Variants in CENPP observed in about 807,000 individuals in gnomAD.
CENPP encodes centromere protein P.
Under a neutral mutation model 35.6 loss-of-function variants are expected in CENPP, and 24 were observed. That is an observed-to-expected ratio of 0.67 (90% CI 0.49 to 0.95). The LOEUF (loss-of-function observed/expected upper bound fraction) is 0.95, where lower values mean the gene tolerates loss of function less well. Ranked by LOEUF, CENPP falls within the 40% of genes least tolerant of loss-of-function variation. CENPP has a pLI of 0.00. For missense variants in CENPP, 332 were observed against 345.3 expected (o/e 0.96, Z 0.31); for synonymous variants, 120 against 125.5 (o/e 0.96, Z 0.29).
intron 5 of CENPP, among the ~76,000 whole-genome samples, chr9:92,390,263 G>C (rs1564292945): frequency 6.6e-6 from 1 of 152,106 alleles, no homozygotes. Context: ...TCTGACTGGA[G>C]TCCTAGAATC....
intron 5 of CENPP, among the ~76,000 whole-genome samples, chr9:92,526,125 C>T (rs1377124488): frequency 3.3e-5 from 5 of 152,018 alleles, no homozygotes; most frequent in African/African-American, 1.2e-4. Context: ...TGTTATTACC[C>T]ATGAAGACCT....
At chr9:92,327,726 CA>C (rs1415738741) in intron 1 of CENPP, among the ~76,000 whole-genome samples, 3 of 152,150 alleles carry the variant, frequency 2.0e-5, no homozygotes, top group South Asian at 2.1e-4. Context: ...GCCTGTGGAA[CA>C]GGGGAATCAG....
rs188422198 is a variant in CENPP, at chr9:92,366,133, C to T, written c.468-13630C>T. Among the ~76,000 whole-genome samples, 210 of 140,542 alleles carry T rather than the reference C, an allele frequency of 1.5e-3. No individual in the cohort carries two copies. In the East Asian group the frequency reaches 0.022, roughly 15 times the overall value. 92.2% of individuals were successfully genotyped at this position (140,542 alleles called of 152,430 possible). On this transcript the variant is annotated intron_variant, in intron 4 of 7. Coordinates refer to ENST00000375587, the MANE Select transcript of CENPP (RefSeq NM_001012267.3). The stretch of plus-strand genomic sequence containing the variant: ...AGGCGGAGCTGGCAGTGAGCCAAGA[C>T]GGCGCCACTGCACTCCAGCCTGGGT...
intron 5 of CENPP, among the ~76,000 whole-genome samples, chr9:92,589,315 C>T (rs1399815629): frequency 6.6e-6 from 1 of 151,206 alleles, no homozygotes; most frequent in East Asian, 1.9e-4. Context: ...CACTGCACTC[C>T]AGCCTGGGAG....
At chr9:92,546,602 C>T (rs1457571207) in intron 5 of CENPP, among the ~76,000 whole-genome samples, 5 of 152,122 alleles carry the variant, frequency 3.3e-5, no homozygotes, top group Non-Finnish European at 7.3e-5. Flanking sequence ...AAGGAAAAAA[C>T]TCCGAACACA....
At chr9:92,522,621 G>T in intron 5 of CENPP, 2 of 1,613,646 alleles carry the variant, frequency 1.2e-6, no homozygotes, top group East Asian at 4.5e-5. Flanking sequence ...AACTTGAAAA[G>T]GATTCAAACT....
chr9:92,375,177 T>C (rs1842095894), intron 4 of CENPP, among the ~76,000 whole-genome samples: 1 of 152,218 alleles, frequency 6.6e-6, no homozygotes. Flanking sequence ...ATTATGTATA[T>C]GTTAGTACTT....
chr9:92,526,785 CTT>C (rs1333586735), intron 5 of CENPP, among the ~76,000 whole-genome samples: 2 of 151,834 alleles, frequency 1.3e-5, no homozygotes, highest in Admixed American at 6.6e-5. Context: ...AATAAAAAAA[CTT>C]TTTTATAAAT....
intron 5 of CENPP, among the ~76,000 whole-genome samples, chr9:92,602,343 G>A (rs1472059363): frequency 3.3e-5 from 5 of 152,194 alleles, no homozygotes; most frequent in African/African-American, 4.8e-5. Flanking sequence ...CCTCACTGTC[G>A]TTGGTGTTGC....
At chr9:92,459,898 T>C in intron 5 of CENPP, 1 of 725,166 alleles carries the variant, frequency 1.4e-6, no homozygotes, top group South Asian at 3.0e-5. Context: ...AGATATTTCA[T>C]TACTTTATTT....
At chr9:92,477,268 G>C (rs1336835538) in intron 5 of CENPP, among the ~76,000 whole-genome samples, 1 of 152,128 alleles carries the variant, frequency 6.6e-6, no homozygotes, top group African/African-American at 2.4e-5. Flanking sequence ...ATATCACTTT[G>C]TCCCTGGCAC....
At chr9:92,555,929 G>C (rs1002471422) in intron 5 of CENPP, among the ~76,000 whole-genome samples, 1 of 151,836 alleles carries the variant, frequency 6.6e-6, no homozygotes, top group Non-Finnish European at 1.5e-5. Flanking sequence ...CCTTTCTTCT[G>C]CTGGGTCTGT....
chr9:92,514,878 C>T (rs1847597397), intron 5 of CENPP: 7 of 1,613,356 alleles, frequency 4.3e-6, no homozygotes, highest in Non-Finnish European at 5.1e-6. Context: ...CCTCCTCCTC[C>T]CTTCCTTGGC....
chr9:92,352,345 G>T (rs1841469966), intron 4 of CENPP, among the ~76,000 whole-genome samples: 2 of 150,006 alleles, frequency 1.3e-5, no homozygotes, highest in African/African-American at 4.9e-5. Context: ...ACTCCTCTGG[G>T]TGACAGAGCA....
chr9:92,567,284 C>T (rs577923972), intron 5 of CENPP, among the ~76,000 whole-genome samples: 2 of 150,114 alleles, frequency 1.3e-5, no homozygotes, highest in East Asian at 2.0e-4. Context: ...TTTCACTTTT[C>T]GTTTTCAACA....
intron 5 of CENPP, among the ~76,000 whole-genome samples, chr9:92,587,193 C>T (rs773125455): frequency 1.8e-4 from 28 of 151,932 alleles, no homozygotes; most frequent in African/African-American, 6.5e-4. Flanking sequence ...GGGGCCCAGC[C>T]GGACGGTGGC....
At chr9:92,536,033 A>G (rs556022645) in intron 5 of CENPP, 32 of 507,064 alleles carry the variant, frequency 6.3e-5, no homozygotes, top group Non-Finnish European at 1.1e-4. Flanking sequence ...GAAAGGACAG[A>G]AGGGAATGTT....
intron 5 of CENPP, among the ~76,000 whole-genome samples, chr9:92,388,454 A>C (rs1430529585): frequency 2.0e-5 from 3 of 151,946 alleles, no homozygotes; most frequent in Non-Finnish European, 2.9e-5. Flanking sequence ...GAGCCACTGA[A>C]CCTGTCCTGA....
At chr9:92,331,058 T>C (rs1259580169) in intron 1 of CENPP, among the ~76,000 whole-genome samples, 1 of 152,248 alleles carries the variant, frequency 6.6e-6, no homozygotes, top group Non-Finnish European at 1.5e-5. Context: ...TGTCTGGCCA[T>C]AGTGATGTTT....
Sources: allele counts gnomAD v4.1 joint callset (sites outside exome capture counted in the v4.1 genomes callset), GRCh38; gene constraint gnomAD v4.1.1; transcripts MANE v1.5; gene names NCBI Gene and HGNC (gene_info 2026-07-23, HGNC 2026-07-21).